Variants in PCDH15 observed in about 807,000 individuals in gnomAD.
PCDH15 encodes the protein protocadherin related 15.
In PCDH15, 129 loss-of-function variants were observed where a neutral mutation model predicts 178.5. That is an observed-to-expected ratio of 0.72 (90% CI 0.63 to 0.84). PCDH15 has a LOEUF of 0.84. PCDH15 is among the 40% of genes least tolerant of loss of function. The pLI, the probability that PCDH15 is intolerant of heterozygous loss-of-function variation, is 0.00. For synonymous variants in PCDH15, 800 were observed against 732.0 expected (o/e 1.09, Z -1.50); for missense variants, 2,230 against 2,099.9 (o/e 1.06, Z -1.21).
intron 2 of PCDH15, among the ~76,000 whole-genome samples, chr10:55,589,624 C>A (rs1842798399): frequency 6.6e-6 from 1 of 152,026 alleles, no homozygotes; most frequent in Admixed American, 6.6e-5. Flanking sequence ...CAAGAAAAAA[C>A]AAACAACCCC....
chr10:54,603,793 C>T (rs1009490739), intron 2 of PCDH15, among the ~76,000 whole-genome samples: 3 of 151,842 alleles, frequency 2.0e-5, no homozygotes, highest in African/African-American at 7.3e-5. Flanking sequence ...CCTATCTGAC[C>T]CAGATTTTAC....
intron 3 of PCDH15, among the ~76,000 whole-genome samples, chr10:54,384,472 T>G (rs1431543496): frequency 6.6e-6 from 1 of 152,148 alleles, no homozygotes; most frequent in Non-Finnish European, 1.5e-5. Flanking sequence ...TATTTCAAAG[T>G]TTTAAATGAT....
chr10:54,425,084 C>T (rs991839721), intron 3 of PCDH15, among the ~76,000 whole-genome samples: 4 of 151,268 alleles, frequency 2.6e-5, no homozygotes, highest in African/African-American at 9.7e-5. Flanking sequence ...ATTTAGGATA[C>T]CAGATGTAAA....
At chr10:54,019,893 T>A (rs1226407686) in intron 20 of PCDH15, among the ~76,000 whole-genome samples, 1 of 152,090 alleles carries the variant, frequency 6.6e-6, no homozygotes, top group South Asian at 2.1e-4. Context: ...GAATTTGAAC[T>A]AAAATCTAGT....
At chr10:55,410,140 T>G (rs1188523328) in intron 2 of PCDH15, among the ~76,000 whole-genome samples, 1 of 152,136 alleles carries the variant, frequency 6.6e-6, no homozygotes, top group African/African-American at 2.4e-5. Flanking sequence ...CTCTCCCTAT[T>G]AGGTACTTAC....
At chr10:55,401,869 G>A (rs1012801823) in intron 2 of PCDH15, among the ~76,000 whole-genome samples, 20 of 152,078 alleles carry the variant, frequency 1.3e-4, no homozygotes, top group Admixed American at 3.9e-4. Flanking sequence ...TCATTAAAAC[G>A]TTTAATTTTA....
intron 3 of PCDH15, among the ~76,000 whole-genome samples, chr10:54,408,158 T>A (rs1246120684): frequency 6.7e-6 from 1 of 149,042 alleles, no homozygotes; most frequent in Non-Finnish European, 1.5e-5. Context: ...CATAATTAGC[T>A]GTTTTTTTAA....
chr10:53,830,348 T>A (rs530227551), intron 30 of PCDH15, among the ~76,000 whole-genome samples: 45 of 152,166 alleles, frequency 3.0e-4, no homozygotes, highest in African/African-American at 1.0e-3. Context: ...ACTATTTTAG[T>A]ATTTCCTCTG....
intron 2 of PCDH15, among the ~76,000 whole-genome samples, chr10:54,604,930 T>G (rs1479801189): frequency 6.6e-6 from 1 of 151,794 alleles, no homozygotes; most frequent in Non-Finnish European, 1.5e-5. Context: ...AGATTTTCTT[T>G]TTTAAGTACT....
At chr10:54,906,893 C>T (rs893556608) in intron 2 of PCDH15, among the ~76,000 whole-genome samples, 3 of 152,134 alleles carry the variant, frequency 2.0e-5, no homozygotes, top group African/African-American at 7.2e-5. Context: ...ATCATGTTAA[C>T]ATGCAGAAAT....
At chr10:54,747,314 A>G (rs1262712224) in intron 1 of PCDH15, among the ~76,000 whole-genome samples, 2 of 152,222 alleles carry the variant, frequency 1.3e-5, no homozygotes, top group Admixed American at 6.5e-5. Flanking sequence ...CAGGTCTGTT[A>G]TGTTAACCCT....
chr10:53,946,408 C>A (rs2086577870), intron 23 of PCDH15, among the ~76,000 whole-genome samples: 2 of 152,114 alleles, frequency 1.3e-5, no homozygotes, highest in Admixed American at 6.5e-5. Flanking sequence ...TCACCTGAAC[C>A]CCTGGTAACC....
chr10:54,963,702 A>G (rs1171045414), intron 2 of PCDH15, among the ~76,000 whole-genome samples: 1 of 152,180 alleles, frequency 6.6e-6, no homozygotes, highest in Admixed American at 6.5e-5. Context: ...CCCCTTTTCA[A>G]CTTAATTCTC....
chr10:55,314,022 G>T (rs1053772442), intron 1 of PCDH15, among the ~76,000 whole-genome samples: 1 of 151,638 alleles, frequency 6.6e-6, no homozygotes, highest in East Asian at 1.9e-4. Context: ...GCAAATTTAG[G>T]CTTATTAAGT....
chr10:54,008,592 C>A (rs1184570538), intron 20 of PCDH15, among the ~76,000 whole-genome samples: 1 of 152,132 alleles, frequency 6.6e-6, no homozygotes, highest in Non-Finnish European at 1.5e-5. Context: ...GCTGCCAAGT[C>A]AGAATCTATG....
In PCDH15 at chr10:53,805,060, A is replaced by C. The variant is rs1841067094; in HGVS notation, c.*1519T>G. 1 of 151,790 alleles carries C rather than the reference A, an allele frequency of 6.6e-6. No homozygotes were observed. Among genetic ancestry groups the C allele is most frequent in the Non-Finnish European group, 1.5e-5 (1 of 67,932 alleles). 9.4% of individuals were successfully genotyped at this position (151,790 alleles called of 1,614,324 possible). A position where few individuals can be genotyped will look rare whatever the true frequency, so the allele number is the denominator to read the frequency against. ...TGGAAATCTGAAGTAAAAACATACT[A>C]CTCTTACAAGTCGGCAAGTTTATGT... On this transcript the variant is annotated 3_prime_UTR_variant, in exon 38 of 38. Transcript: ENST00000644397.
chr10:55,518,604 G>A (rs1841077625), intron 2 of PCDH15, among the ~76,000 whole-genome samples: 1 of 151,912 alleles, frequency 6.6e-6, no homozygotes, highest in African/African-American at 2.4e-5. Context: ...GTAAAACAGC[G>A]GGCCTTAATA....
At chr10:55,576,108 A>G (rs1022162810) in intron 2 of PCDH15, among the ~76,000 whole-genome samples, 37 of 152,302 alleles carry the variant, frequency 2.4e-4, no homozygotes, top group African/African-American at 7.5e-4. Context: ...AAATTTGCAT[A>G]TAACTTTTGA....
intron 15 of PCDH15, among the ~76,000 whole-genome samples, chr10:54,115,479 T>C (rs2095097404): frequency 6.6e-6 from 1 of 152,230 alleles, no homozygotes; most frequent in Non-Finnish European, 1.5e-5. Flanking sequence ...GCTTCAGCTA[T>C]CAGTCCTATT....
Sources: allele counts gnomAD v4.1 joint callset (sites outside exome capture counted in the v4.1 genomes callset), GRCh38; gene constraint gnomAD v4.1.1; transcripts MANE v1.5; gene names NCBI Gene and HGNC (gene_info 2026-07-23, HGNC 2026-07-21).